Variants in TCERG1L observed in about 807,000 individuals in gnomAD.
The protein encoded by TCERG1L is transcription elongation regulator 1 like.
A neutral mutation model predicts 56.3 loss-of-function variants in TCERG1L; 37 were observed. That is an observed-to-expected ratio of 0.66 (90% CI 0.51 to 0.87). The LOEUF is 0.87. Ranked by LOEUF, TCERG1L falls within the 40% of genes least tolerant of loss-of-function variation. TCERG1L has a pLI of 0.00. For missense variants in TCERG1L, 799 were observed against 774.2 expected, an observed-to-expected ratio of 1.03 and a Z score of -0.38; for synonymous variants, 324 against 326.3, an observed-to-expected ratio of 0.99 and a Z score of 0.08.
chr10:131,195,882 C>G (rs117126818), intron 4 of TCERG1L, among the ~76,000 whole-genome samples: 2 of 152,218 alleles, frequency 1.3e-5, no homozygotes, highest in African/African-American at 4.8e-5. Flanking sequence ...CAAGGCGAGG[C>G]AAGCACAGCC....
chr10:131,138,367 C>T (rs1052536040), intron 7 of TCERG1L, among the ~76,000 whole-genome samples: 11 of 152,218 alleles, frequency 7.2e-5, no homozygotes, highest in Admixed American at 2.6e-4. Flanking sequence ...AATCTTCAGT[C>T]ACCACACACG....
At chr10:131,164,633 G>T (rs1240969329) in intron 5 of TCERG1L, among the ~76,000 whole-genome samples, 2 of 152,104 alleles carry the variant, frequency 1.3e-5, no homozygotes, top group African/African-American at 4.8e-5. Context: ...GGGAAAATTA[G>T]GTGGGATTAA....
At position 131,309,199 on chromosome 10, in the gene TCERG1L, G is replaced by C; in HGVS notation, c.443C>G (p.Thr148Ser). 6.2e-7 allele frequency: 1 copy of C among 1,611,060 alleles called. No homozygotes were observed. The highest frequency in any genetic ancestry group is 1.1e-5 in the South Asian group (1 of 90,736). The change falls in exon 2 of 12, where the codon ACC becomes AGC. Residue 148 changes from threonine to serine, a missense_variant. Transcript: ENST00000368642. ...GTCTATCCAACTTTTCCCAATAGGGGTTGCAAGAGCAGAAGGGCAGAGATG... is the reference window on the plus strand; with the variant it reads ...GTCTATCCAACTTTTCCCAATAGGGCTTGCAAGAGCAGAAGGGCAGAGATG... ...FPHLCPSALA[T>S]PIGKSWIDKR...
intron 4 of TCERG1L, among the ~76,000 whole-genome samples, chr10:131,175,527 CCA>C (rs1180177341): frequency 6.6e-6 from 1 of 152,194 alleles, no homozygotes; most frequent in African/African-American, 2.4e-5. Context: ...CAGGAGGGAG[CCA>C]CAGAGCCAGT....
At chr10:131,095,762 T>G (rs1458412068) in intron 11 of TCERG1L, 1 of 152,178 alleles carries the variant, frequency 6.6e-6, no homozygotes, top group East Asian at 1.9e-4. Context: ...TACAATAAAA[T>G]TTATTTTAAA....
intron 4 of TCERG1L, among the ~76,000 whole-genome samples, chr10:131,240,968 C>T (rs908369598): frequency 5.3e-5 from 8 of 152,238 alleles, no homozygotes; most frequent in Non-Finnish European, 7.3e-5. Flanking sequence ...GGGGGCCAAA[C>T]CAGCTCCCAG....
At chr10:131,124,221 G>A (rs921832704) in intron 8 of TCERG1L, among the ~76,000 whole-genome samples, 25 of 152,202 alleles carry the variant, frequency 1.6e-4, no homozygotes, top group East Asian at 5.8e-4. Context: ...TACAGGACCC[G>A]CTGCCAGGCT....
At chr10:131,268,935 T>C (rs1240921246) in intron 3 of TCERG1L, among the ~76,000 whole-genome samples, 1 of 152,232 alleles carries the variant, frequency 6.6e-6, no homozygotes, top group Non-Finnish European at 1.5e-5. Flanking sequence ...TGTTTCACTT[T>C]ATCTTTTTAT....
chr10:131,143,484 C>T (rs1032925593), intron 7 of TCERG1L, among the ~76,000 whole-genome samples: 1 of 152,118 alleles, frequency 6.6e-6, no homozygotes, highest in African/African-American at 2.4e-5. Flanking sequence ...TCCCACCAGG[C>T]TGCACCAAAT....
intron 4 of TCERG1L, among the ~76,000 whole-genome samples, chr10:131,226,862 A>C (rs968259148): frequency 7.9e-5 from 12 of 151,866 alleles, no homozygotes; most frequent in Admixed American, 7.2e-4. Context: ...CTTGGAGGAA[A>C]ACGAAGTATC....
At chr10:131,176,720 ATAGGCACATACAAAGAGG>A (rs1846156590) in intron 4 of TCERG1L, among the ~76,000 whole-genome samples, 1 of 151,676 alleles carries the variant, frequency 6.6e-6, no homozygotes, top group Non-Finnish European at 1.5e-5. Context: ...ACCCACAGAG[ATAGGCACATACAAAGAGG>A]CACGTGCACA....
At chr10:131,258,122 C>T (rs1204026789) in intron 4 of TCERG1L, among the ~76,000 whole-genome samples, 3 of 152,028 alleles carry the variant, frequency 2.0e-5, no homozygotes, top group East Asian at 3.9e-4. Flanking sequence ...TCATCCTTGT[C>T]CTGCCCCTGC....
At position 131,190,578 on chromosome 10, in the gene TCERG1L, A is replaced by G. The variant is rs1015856053; in HGVS notation, c.857-23693T>C. Reference sequence around the variant, plus strand: ...TCAAAAATATAATTCCTCATGATCAAGTGGGTTTTATTTCAGGGAGGCAGG... The same window carrying G: ...TCAAAAATATAATTCCTCATGATCAGGTGGGTTTTATTTCAGGGAGGCAGG... On this transcript the variant is annotated intron_variant, in intron 4 of 11. Transcript: ENST00000368642. Among the ~76,000 whole-genome samples the G allele has an allele frequency of 2.8e-5, 4 of 144,482 alleles. 2 individuals are homozygous for G. The highest frequency in any genetic ancestry group is 6.1e-5 in the Non-Finnish European group (4 of 65,412). The allele number at this position is 144,482 out of a possible 152,430, so 94.8% of individuals were successfully genotyped here. A position where few individuals can be genotyped will look rare whatever the true frequency, so the allele number is the denominator to read the frequency against.
In TCERG1L at chr10:131,227,219, G is replaced by C. The variant is rs530175516; in HGVS notation, c.856+33040C>G. 2.0e-5 allele frequency among the ~76,000 whole-genome samples: 3 copies of C among 152,372 alleles called. No homozygotes were observed. In the South Asian group the frequency reaches 6.2e-4, roughly 32 times the overall value. ...TTGGAAGTGACCAGGGCTGGCCGAA[G>C]CCCAACCCAGTGCTGGTCACCATGG... On this transcript the variant is annotated intron_variant, in intron 4 of 11. Coordinates refer to ENST00000368642, the MANE Select transcript of TCERG1L (RefSeq NM_174937.4).
At chr10:131,294,116 C>T (rs1037687400) in intron 3 of TCERG1L, among the ~76,000 whole-genome samples, 1 of 152,048 alleles carries the variant, frequency 6.6e-6, no homozygotes, top group Non-Finnish European at 1.5e-5. Context: ...GAACCAGTAT[C>T]CCTGTTTTCA....
At chr10:131,245,364 G>T (rs1846020032) in intron 4 of TCERG1L, among the ~76,000 whole-genome samples, 1 of 152,090 alleles carries the variant, frequency 6.6e-6, no homozygotes, top group African/African-American at 2.4e-5. Context: ...ATTATTTCTG[G>T]GAATAACAGC....
chr10:131,207,245 G>A (rs1455936955), intron 4 of TCERG1L, among the ~76,000 whole-genome samples: 3 of 151,842 alleles, frequency 2.0e-5, no homozygotes, highest in African/African-American at 7.3e-5. Flanking sequence ...TCTCCAAAGG[G>A]AGGTTCTGTC....
chr10:131,113,083 C>T (rs563811845), intron 9 of TCERG1L, among the ~76,000 whole-genome samples: 12 of 142,674 alleles, frequency 8.4e-5, no homozygotes, highest in South Asian at 2.6e-4. Context: ...CCCTACCTCG[C>T]GGCACATCAA....
rs1395559509 is a variant in TCERG1L, at chr10:131,260,161, C to G, written c.856+98G>C. ...CCTCAACCGGAGCCGGGCTTCAGGT[C>G]CCACAGCGCCTGGGCCCAGGCCAGG... On this transcript the variant is annotated intron_variant, in intron 4 of 11. Transcript: ENST00000368642. The surrounding 1 kb of genome is among the most constrained non-coding windows in gnomAD (Gnocchi z 5.8). The G allele has an allele frequency of 8.1e-7, 1 of 1,241,054 alleles. No homozygotes were observed. The highest frequency in any genetic ancestry group is 1.0e-6 in the Non-Finnish European group (1 of 992,286). 76.9% of individuals were successfully genotyped at this position (1,241,054 alleles called of 1,614,324 possible).
Sources: allele counts gnomAD v4.1 joint callset (sites outside exome capture counted in the v4.1 genomes callset), GRCh38; gene constraint gnomAD v4.1.1; non-coding constraint Gnocchi (gnomAD v3.1); transcripts MANE v1.5; gene names NCBI Gene and HGNC (gene_info 2026-07-23, HGNC 2026-07-21).